Variants in TMEM131 observed in about 807,000 individuals in gnomAD.
TMEM131 encodes the protein transmembrane protein 131.
In TMEM131, 66 loss-of-function variants were observed where a neutral mutation model predicts 211.6. The ratio of observed to expected loss-of-function variants is 0.31; its 90% CI spans 0.26 to 0.38. TMEM131 has a LOEUF of 0.38. Ranked by LOEUF, TMEM131 falls within the 10% of genes least tolerant of loss-of-function variation. The pLI is 1.00. For missense variants in TMEM131, 2,036 were observed against 2,299.3 expected (o/e 0.89, Z 2.34); for synonymous variants, 844 against 841.3 (o/e 1.00, Z -0.06).
rs558283418 is a variant in TMEM131, at chr2:97,767,050, G to A, written c.4449-448C>T. Reference sequence around the variant, plus strand: ...GAAAGATCTCACATCTATAACATTAGAGACTCCACTATTCAAAACTGAACA... The same window carrying A: ...GAAAGATCTCACATCTATAACATTAAAGACTCCACTATTCAAAACTGAACA... On this transcript the variant is annotated intron_variant, in intron 33 of 40. Transcript: ENST00000186436. 3.9e-5 allele frequency among the ~76,000 whole-genome samples: 6 copies of A among 152,194 alleles called. No individual in the cohort carries two copies. The South Asian group carries it at 1.2e-3, about 32-fold the overall frequency.
intron 1 of TMEM131, among the ~76,000 whole-genome samples, chr2:97,969,986 T>G (rs1248225305): frequency 6.6e-6 from 1 of 152,170 alleles, no homozygotes. Context: ...CTGGCAACAT[T>G]CCATTCCATT....
rs765575336 is a variant in TMEM131 at position 97,758,950 on chromosome 2, C to T, written c.5310G>A (p.Ala1770=). The change falls in exon 40 of 41, where the codon GCG becomes GCA. Residue 1770 remains alanine (A), a synonymous_variant. Coordinates refer to ENST00000186436, the MANE Select transcript of TMEM131 (RefSeq NM_015348.2). ...SGPSYLWESP[A]TDPSPSWPAS... is the part of the protein sequence containing the mutation. Reference sequence around the variant, plus strand: ...CTGGCCAGGAAGGACTGGGATCTGTCGCTGGCGACTCCCAAAGGTATGAAG... The same window carrying T: ...CTGGCCAGGAAGGACTGGGATCTGTTGCTGGCGACTCCCAAAGGTATGAAG... 2.4e-5 allele frequency: 39 copies of T among 1,613,904 alleles called. No individual in the cohort carries two copies. The highest frequency in any genetic ancestry group is 2.7e-5 in the African/African-American group (2 of 74,932).
At chr2:97,767,976 C>G (rs1159713152) in intron 33 of TMEM131, among the ~76,000 whole-genome samples, 3 of 152,182 alleles carry the variant, frequency 2.0e-5, no homozygotes, top group African/African-American at 4.8e-5. Context: ...TCCCCAACAT[C>G]CTCAATGTAA....
Position 97,917,245 on chromosome 2 carries a change from T to G in TMEM131, c.250-8547A>C, listed in dbSNP as rs573272006. Among the ~76,000 whole-genome samples, 4 of 152,336 alleles carry G rather than the reference T, an allele frequency of 2.6e-5. No individual in the cohort carries two copies. The East Asian group carries it at 7.7e-4, about 29-fold the overall frequency. On this transcript the variant is annotated intron_variant, in intron 2 of 40. Transcript: ENST00000186436. ...GATGACCAAAGTTGAATAGTTGTGA[T>G]AGAGACCATTCGGGACACAAACCCT...
chr2:97,861,302 A>G (rs1674059223), intron 4 of TMEM131, among the ~76,000 whole-genome samples: 1 of 151,782 alleles, frequency 6.6e-6, no homozygotes, highest in African/African-American at 2.4e-5. Flanking sequence ...TGGGGTGCCC[A>G]AGGGAGTGCT....
rs1673972898 is a variant in TMEM131, at chr2:97,859,354, A to G, written c.433T>C (p.Ser145Pro). The G allele has an allele frequency of 6.2e-7, 1 of 1,602,674 alleles. No homozygotes were observed. Among genetic ancestry groups the G allele is most frequent in the South Asian group, 1.1e-5 (1 of 87,850 alleles). Residue 145 changes from serine to proline, a missense_variant, in exon 5 of 41, where the codon TCA becomes CCA. Physicochemically the swap from Ser to Pro is moderately conservative, Grantham distance 74 (BLOSUM62 -1). Coordinates refer to ENST00000186436, the MANE Select transcript of TMEM131 (RefSeq NM_015348.2). Reference protein sequence around the residue: ...PSSEETITLVSISATTSHFHA... With the variant: ...PSSEETITLVPISATTSHFHA... ...AAATGTGATGTTGTAGCAGATATTG[A>G]TACTAAAGTAATCGTTTCTTCAGAA...
chr2:97,798,216 G>A (rs1680861837), intron 25 of TMEM131, among the ~76,000 whole-genome samples: 1 of 152,188 alleles, frequency 6.6e-6, no homozygotes, highest in African/African-American at 2.4e-5. Context: ...TTATAGTTAA[G>A]GTTGAAAAAC....
intron 38 of TMEM131, chr2:97,759,988 T>C (rs1487803297): frequency 3.0e-5 from 14 of 459,658 alleles, no homozygotes; most frequent in Non-Finnish European, 4.7e-5. Flanking sequence ...AAGCAAGTGT[T>C]TTGCAGAGAA....
At chr2:97,970,404 T>C (rs1679246633) in intron 1 of TMEM131, among the ~76,000 whole-genome samples, 1 of 152,108 alleles carries the variant, frequency 6.6e-6, no homozygotes, top group African/African-American at 2.4e-5. Context: ...AGACAAAAGA[T>C]AGCACGCCTA....
intron 5 of TMEM131, among the ~76,000 whole-genome samples, chr2:97,856,611 C>G (rs987219060): frequency 2.0e-5 from 3 of 152,170 alleles, no homozygotes; most frequent in Non-Finnish European, 4.4e-5. Flanking sequence ...ACCAGGAATT[C>G]CGAGCATGAC....
intron 22 of TMEM131, among the ~76,000 whole-genome samples, chr2:97,803,526 C>T (rs1402916353): frequency 6.6e-6 from 1 of 152,200 alleles, no homozygotes; most frequent in Non-Finnish European, 1.5e-5. Flanking sequence ...GCTAAGATTC[C>T]TGGGACTAAA....
At chr2:97,759,207 C>T in intron 39 of TMEM131, 154 bp from the exon 40 acceptor site, 1 of 882,012 alleles carries the variant, frequency 1.1e-6, no homozygotes, top group Non-Finnish European at 1.8e-6. Flanking sequence ...GAAGTAGGGG[C>T]AGGAGTGTCC....
intron 1 of TMEM131, among the ~76,000 whole-genome samples, chr2:97,991,431 G>T (rs1300609156): frequency 6.6e-6 from 1 of 152,208 alleles, no homozygotes; most frequent in East Asian, 1.9e-4. Flanking sequence ...AACAGGCACT[G>T]ATGCCACTTG....
intron 22 of TMEM131, among the ~76,000 whole-genome samples, chr2:97,804,870 CA>C (rs1681216471): frequency 6.6e-6 from 1 of 152,036 alleles, no homozygotes; most frequent in African/African-American, 2.4e-5. Context: ...ATATCTAAAG[CA>C]CCACAGAAAA....
chr2:97,885,348 C>T (rs1280606907), intron 4 of TMEM131, among the ~76,000 whole-genome samples: 15 of 150,612 alleles, frequency 1.0e-4, no homozygotes, highest in Admixed American at 3.9e-4. Context: ...CCCGCCACCA[C>T]GCCCAGCTAA....
rs1248512132 is a variant in TMEM131, at chr2:97,760,604, A to G, written c.5097T>C (p.Asp1699=). The part of the protein sequence containing the change: ...LGISHAPVDS[D]GSDSSGLWSP... ...GTGGTCTACCGTACCTGTCTGAGCC[A>G]TCGCTGTCAACAGGAGCGTGTGAAA... Residue 1699 remains aspartate, a synonymous_variant, in exon 38 of 41, where the codon GAT becomes GAC. Transcript: ENST00000186436. The G allele has an allele frequency of 1.2e-6, 2 of 1,611,272 alleles. No homozygotes were observed. Among genetic ancestry groups the G allele is most frequent in the African/African-American group, 1.3e-5 (1 of 75,010 alleles).
intron 1 of TMEM131, among the ~76,000 whole-genome samples, chr2:97,983,113 G>A (rs1434215207): frequency 6.6e-6 from 1 of 152,162 alleles, no homozygotes; most frequent in Non-Finnish European, 1.5e-5. Flanking sequence ...TAGAAGCAGG[G>A]AGCCCTTTCA....
intron 2 of TMEM131, among the ~76,000 whole-genome samples, chr2:97,919,203 A>G (rs992997949): frequency 1.3e-5 from 2 of 152,242 alleles, no homozygotes; most frequent in African/African-American, 4.8e-5. Flanking sequence ...ATTGTTCTAC[A>G]AAGTATACAT....
chr2:97,995,117 T>A (rs976112618), intron 1 of TMEM131, among the ~76,000 whole-genome samples: 3 of 152,260 alleles, frequency 2.0e-5, no homozygotes, highest in African/African-American at 7.2e-5. Context: ...AAGCTCTGTC[T>A]GCATGCAACC....
Sources: allele counts gnomAD v4.1 joint callset (sites outside exome capture counted in the v4.1 genomes callset), GRCh38; gene constraint gnomAD v4.1.1; transcripts MANE v1.5; gene names NCBI Gene and HGNC (gene_info 2026-07-23, HGNC 2026-07-21).